ACAA2: variants seen among roughly 807,000 people sequenced by gnomAD.
The protein encoded by ACAA2 is acetyl-CoA acyltransferase 2, also known as 3-ketoacyl-CoA thiolase, mitochondrial.
Under a neutral mutation model 44.8 loss-of-function variants are expected in ACAA2, and 35 were observed. The ratio of observed to expected loss-of-function variants is 0.78; its 90% CI spans 0.60 to 1.04. ACAA2 has a LOEUF of 1.04. ACAA2 is among the 50% of genes least tolerant of loss of function. The pLI is 0.00. For missense variants in ACAA2, 468 were observed against 482.6 expected (o/e 0.97, Z 0.28); for synonymous variants, 142 against 166.5 (o/e 0.85, Z 1.13).
intron 7 of ACAA2, among the ~76,000 whole-genome samples, chr18:49,787,772 C>CAAAGGAGTCCATATAT (rs2023350932): frequency 6.6e-6 from 1 of 152,030 alleles, no homozygotes; most frequent in Non-Finnish European, 1.5e-5. Context: ...TGAAAACAGC[C>CAAAGGAGTCCATATAT]AAAGGAGTCC....
chr18:49,801,794 A>ATATATATATATG (rs2023551613), intron 2 of ACAA2, among the ~76,000 whole-genome samples: 1 of 139,294 alleles, frequency 7.2e-6, no homozygotes, highest in East Asian at 2.2e-4. Flanking sequence ...TCATATATAT[A>ATATATATATATG]TATATATATA....
At position 49,783,080 on chromosome 18, in the gene ACAA2, GT is replaced by G. The variant is rs1329711107; in HGVS notation, c.*766del. On this transcript the variant is annotated 3_prime_UTR_variant, in exon 10 of 10. Transcript: ENST00000285093. Reference sequence around the variant, plus strand: ...TTTAAGCTGGGAAGAAGGAAGTAAGGTTTATACACACAGCAGAATATTATTC... The same window carrying G: ...TTTAAGCTGGGAAGAAGGAAGTAAGGTTATACACACAGCAGAATATTATTC... 6.6e-6 allele frequency: 1 copy of G among 152,130 alleles called. No homozygotes were observed. Among genetic ancestry groups the G allele is most frequent in the African/African-American group, 2.4e-5 (1 of 41,408 alleles). 9.4% of individuals were successfully genotyped at this position (152,130 alleles called of 1,614,324 possible).
intron 2 of ACAA2, among the ~76,000 whole-genome samples, chr18:49,799,261 C>T (rs915675086): frequency 6.6e-6 from 1 of 152,120 alleles, no homozygotes; most frequent in Non-Finnish European, 1.5e-5. Context: ...CCCTCTGATG[C>T]CTAGCTGAAG....
intron 8 of ACAA2, 118 bp downstream of exon 8, chr18:49,787,173 A>C: frequency 2.6e-6 from 2 of 776,920 alleles, no homozygotes; most frequent in Non-Finnish European, 1.9e-6. Context: ...CATCATTTGG[A>C]AAGGCTAACT....
At position 49,787,277 on chromosome 18, in the gene ACAA2, A is replaced by AAAC; in HGVS notation, c.954+13_954+14insGTT. 2.0e-6 allele frequency: 3 copies of AAAC among 1,465,196 alleles called. No homozygotes were observed. Among genetic ancestry groups the AAAC allele is most frequent in the Non-Finnish European group, 2.7e-6 (3 of 1,115,762 alleles). 90.8% of individuals were successfully genotyped at this position (1,465,196 alleles called of 1,614,324 possible). ...CATGTTGTTAAAAAAAAAAAAAAAA[A>AAAC]AAAAAACACTTACCTCTACCAAATC... On this transcript the variant is annotated intron_variant, in intron 8 of 9. Coordinates refer to ENST00000285093, the MANE Select transcript of ACAA2 (RefSeq NM_006111.3).
chr18:49,787,228 T>G (rs928427206), intron 8 of ACAA2, 63 bp downstream of exon 8: 1 of 1,259,230 alleles, frequency 7.9e-7, no homozygotes, highest in South Asian at 1.8e-5. Context: ...AAGTCATTTA[T>G]GCTATAAAAG....
chr18:49,785,865 A>G (rs747059877), intron 8 of ACAA2: 36 of 155,850 alleles, frequency 2.3e-4, no homozygotes, highest in Non-Finnish European at 4.4e-4. Flanking sequence ...TATTATTATT[A>G]TTATGCAGTA....
intron 9 of ACAA2, among the ~76,000 whole-genome samples, chr18:49,784,560 G>T (rs985428171): frequency 1.2e-4 from 18 of 152,164 alleles, no homozygotes; most frequent in African/African-American, 4.1e-4. Context: ...ATCATTAAGT[G>T]AAATAAGAGT....
chr18:49,797,563 T>A lies in ACAA2; in HGVS notation c.215A>T (p.His72Leu). ...SSSDAIYLAR[H>L]VGLRVGIPKE... ...TGGGATTCCCACACGCAAACCAACA[T>A]GCCTTGCCAAATATATAGCATCTGA... Residue 72 changes from histidine to leucine, a missense_variant, in exon 3 of 10, where the codon CAT becomes CTT. By Grantham distance (99) the His-to-Leu change is moderately conservative (BLOSUM62 -3). Coordinates refer to ENST00000285093, the MANE Select transcript of ACAA2 (RefSeq NM_006111.3). 1 of 1,611,914 alleles carries A rather than the reference T, an allele frequency of 6.2e-7. No homozygotes were observed. The highest frequency in any genetic ancestry group is 8.5e-7 in the Non-Finnish European group (1 of 1,179,186).
intron 2 of ACAA2, among the ~76,000 whole-genome samples, chr18:49,797,913 G>A (rs1023223340): frequency 6.6e-5 from 10 of 152,142 alleles, no homozygotes; most frequent in Non-Finnish European, 1.5e-5. Flanking sequence ...TGTAACCACA[G>A]TCAATTGGTT....
At chr18:49,785,500 A>G (rs755854746) in intron 8 of ACAA2, 149 bp from the exon 9 acceptor site, 26 of 749,252 alleles carry the variant, frequency 3.5e-5, no homozygotes, top group South Asian at 5.5e-5. Context: ...ATCATTCTGC[A>G]TAAAGCTATC....
chr18:49,813,017 C>G (rs1447922379), intron 1 of ACAA2: 1 of 161,106 alleles, frequency 6.2e-6, no homozygotes, highest in East Asian at 1.7e-4. Context: ...AGAACACCAG[C>G]TACCATTTCT....
In ACAA2 at chr18:49,805,046, C is replaced by T. The variant is rs573155555; in HGVS notation, c.17-2193G>A. Among the ~76,000 whole-genome samples the T allele has an allele frequency of 2.6e-5, 4 of 152,332 alleles. No homozygotes were observed. The South Asian group carries it at 8.3e-4, about 32-fold the overall frequency. On this transcript the variant is annotated intron_variant, in intron 1 of 9. Coordinates refer to ENST00000285093, the MANE Select transcript of ACAA2 (RefSeq NM_006111.3). ...AATATTATAGCTAACATAGAGGGGA[C>T]ACTTACTATGGAATAGACTTCATGC...
chr18:49,785,386 T>C (rs2023316254), intron 8 of ACAA2, 35 bp from the exon 9 acceptor site: 6 of 1,604,668 alleles, frequency 3.7e-6, no homozygotes, highest in Non-Finnish European at 5.1e-6. Context: ...ACAAAAATCC[T>C]TACTCACAAA....
At chr18:49,799,477 G>A (rs959946152) in intron 2 of ACAA2, among the ~76,000 whole-genome samples, 3 of 152,212 alleles carry the variant, frequency 2.0e-5, no homozygotes, top group African/African-American at 2.4e-5. Context: ...TCGGCCTCCC[G>A]GGGTGCTGGG....
At chr18:49,794,225 A>AT in intron 5 of ACAA2, 55 bp downstream of exon 5, 1 of 1,297,248 alleles carries the variant, frequency 7.7e-7, no homozygotes, top group Non-Finnish European at 1.0e-6. Flanking sequence ...AATGATGAAA[A>AT]TATTTCCTAT....
At chr18:49,809,851 C>A (rs1252020035) in intron 1 of ACAA2, among the ~76,000 whole-genome samples, 1 of 152,176 alleles carries the variant, frequency 6.6e-6, no homozygotes, top group African/African-American at 2.4e-5. Flanking sequence ...AATGAATGAA[C>A]TTGAATGCAA....
intron 2 of ACAA2, among the ~76,000 whole-genome samples, chr18:49,800,866 C>T (rs1001122807): frequency 1.2e-4 from 17 of 137,924 alleles, no homozygotes; most frequent in South Asian, 2.3e-4. Context: ...TCCCCCTCTG[C>T]GAGAAACACC....
chr18:49,810,183 G>C (rs1257103287), intron 1 of ACAA2, among the ~76,000 whole-genome samples: 1 of 152,074 alleles, frequency 6.6e-6, no homozygotes, highest in Non-Finnish European at 1.5e-5. Context: ...TTCCAAATTT[G>C]ATAAAAAACA....
Sources: gnomAD v4.1 joint callset for allele counts (sites outside exome capture counted in the v4.1 genomes callset) on GRCh38, gnomAD v4.1.1 for gene constraint, MANE v1.5 for transcripts, NCBI Gene and HGNC (gene_info 2026-07-23, HGNC 2026-07-21) for gene names.